The following RALGPS2 variants were observed in gnomAD, a reference collection of about 807,000 sequenced individuals.
The protein encoded by RALGPS2 is ras-specific guanine nucleotide-releasing factor RalGPS2.
RALGPS2 carries 43 observed loss-of-function variants against 86.8 expected under a neutral mutation model. The observed-to-expected ratio is 0.50, with a 90% CI of 0.39 to 0.64. The LOEUF (loss-of-function observed/expected upper bound fraction) is 0.64. Among genes scored for constraint, RALGPS2 ranks in the 30% least tolerant of loss-of-function variants. The pLI is 0.00. For missense variants in RALGPS2, 536 were observed against 694.6 expected (o/e 0.77, Z 2.57); for synonymous variants, 243 against 231.3 (o/e 1.05, Z -0.46).
At chr1:178,906,125 C>G (rs1162902458) in intron 18 of RALGPS2, among the ~76,000 whole-genome samples, 1 of 152,132 alleles carries the variant, frequency 6.6e-6, no homozygotes, top group Non-Finnish European at 1.5e-5. Context: ...GCAATCCCAG[C>G]ACTTTGGGAA....
At chr1:178,851,344 G>A (rs746318931) in intron 8 of RALGPS2, 2 of 1,582,416 alleles carry the variant, frequency 1.3e-6, no homozygotes, top group African/African-American at 2.7e-5. Flanking sequence ...AGATATAAAT[G>A]TAAAAGTTTC....
At chr1:178,855,815 T>G (rs1657495716) in intron 8 of RALGPS2, among the ~76,000 whole-genome samples, 1 of 151,636 alleles carries the variant, frequency 6.6e-6, no homozygotes, top group Admixed American at 6.6e-5. Context: ...AAATCTTTTC[T>G]TTTTTAATTT....
At chr1:178,837,781 A>T (rs1016773960) in intron 8 of RALGPS2, among the ~76,000 whole-genome samples, 1 of 152,122 alleles carries the variant, frequency 6.6e-6, no homozygotes, top group Non-Finnish European at 1.5e-5. Flanking sequence ...TTCCTAACCA[A>T]GGGAAGGTGT....
intron 1 of RALGPS2, among the ~76,000 whole-genome samples, chr1:178,750,674 TCG>T (rs1651601182): frequency 6.6e-6 from 1 of 152,238 alleles, no homozygotes; most frequent in Admixed American, 6.5e-5. Flanking sequence ...TTTTTGATGT[TCG>T]TATTTATAAT....
At chr1:178,916,062 G>T (rs887870787) in intron 19 of RALGPS2, among the ~76,000 whole-genome samples, 1 of 152,114 alleles carries the variant, frequency 6.6e-6, no homozygotes, top group Non-Finnish European at 1.5e-5. Flanking sequence ...TGAGCCCCCT[G>T]TGTTAGACAA....
chr1:178,776,105 C>T (rs1653070235), intron 1 of RALGPS2, among the ~76,000 whole-genome samples: 2 of 152,140 alleles, frequency 1.3e-5, no homozygotes, highest in South Asian at 2.1e-4. Flanking sequence ...TATGCAAATA[C>T]TGCACCATTA....
At chr1:178,765,703 T>G (rs959818918) in intron 1 of RALGPS2, among the ~76,000 whole-genome samples, 1 of 152,196 alleles carries the variant, frequency 6.6e-6, no homozygotes, top group African/African-American at 2.4e-5. Context: ...ATTTCGTCCC[T>G]TATCTACAAC....
chr1:178,916,267 G>T, intron 19 of RALGPS2, 63 bp from the exon 20 acceptor site: 1 of 1,348,412 alleles, frequency 7.4e-7, no homozygotes, highest in South Asian at 1.2e-5. Context: ...AACAAGGAAA[G>T]ATAAGAAATA....
chr1:178,887,209 T>C, intron 13 of RALGPS2, among the ~76,000 whole-genome samples: 1 of 152,208 alleles, frequency 6.6e-6, no homozygotes, highest in East Asian at 1.9e-4. Flanking sequence ...TCCCAGCACT[T>C]TGGGAGGCCC....
At chr1:178,905,742 T>C (rs1330203570) in intron 18 of RALGPS2, among the ~76,000 whole-genome samples, 1 of 152,222 alleles carries the variant, frequency 6.6e-6, no homozygotes, top group Non-Finnish European at 1.5e-5. Flanking sequence ...TCCTTTCTTT[T>C]CTCAATTTGT....
At chr1:178,823,386 A>C (rs1301885057) in intron 7 of RALGPS2, among the ~76,000 whole-genome samples, 2 of 152,244 alleles carry the variant, frequency 1.3e-5, no homozygotes, top group African/African-American at 4.8e-5. Flanking sequence ...TCATACAGCT[A>C]ACATTCTGCT....
chr1:178,751,013 C>T (rs1263158942), intron 1 of RALGPS2, among the ~76,000 whole-genome samples: 3 of 152,084 alleles, frequency 2.0e-5, no homozygotes, highest in Non-Finnish European at 2.9e-5. Context: ...ATTCATGTCT[C>T]TTAGTTAGGA....
At chr1:178,824,931 T>C (rs759026334) in intron 7 of RALGPS2, among the ~76,000 whole-genome samples, 1 of 152,202 alleles carries the variant, frequency 6.6e-6, no homozygotes, top group Admixed American at 6.5e-5. Context: ...AAGTTCTGAT[T>C]GTTTTGTTTC....
chr1:178,886,421 C>T (rs545790122), intron 13 of RALGPS2, among the ~76,000 whole-genome samples: 2 of 152,148 alleles, frequency 1.3e-5, no homozygotes, highest in East Asian at 1.9e-4. Flanking sequence ...GAATGACTTC[C>T]GGTTATTTGG....
At chr1:178,836,884 T>G (rs982488411) in intron 8 of RALGPS2, among the ~76,000 whole-genome samples, 1 of 152,158 alleles carries the variant, frequency 6.6e-6, no homozygotes, top group Non-Finnish European at 1.5e-5. Flanking sequence ...ACTCAAGCGA[T>G]CCTCCCACCT....
intron 6 of RALGPS2, among the ~76,000 whole-genome samples, chr1:178,818,722 C>G (rs1161596613): frequency 6.6e-6 from 1 of 152,200 alleles, no homozygotes; most frequent in Non-Finnish European, 1.5e-5. Flanking sequence ...CCTGTCGGAG[C>G]CTTCATCTTT....
chr1:178,772,514 A>T (rs545430597), intron 1 of RALGPS2, among the ~76,000 whole-genome samples: 2 of 152,338 alleles, frequency 1.3e-5, no homozygotes, highest in East Asian at 3.9e-4. Flanking sequence ...CTTTCTGTAC[A>T]GGAGATAAAG....
In RALGPS2 at chr1:178,917,332, G is replaced by T. The variant is rs1053760401; in HGVS notation, c.*973G>T. On this transcript the variant is annotated 3_prime_UTR_variant, in exon 20 of 20. Transcript: ENST00000367635. ...TATCATCAAGACAGACTGATATTTTGTCAGGATATTTTCTTTTACAGTGTT... is the reference window on the plus strand; with the variant it reads ...TATCATCAAGACAGACTGATATTTTTTCAGGATATTTTCTTTTACAGTGTT... 5.9e-5 allele frequency: 9 copies of T among 152,036 alleles called. No individual in the cohort carries two copies. The highest frequency in any genetic ancestry group is 2.2e-4 in the African/African-American group (9 of 41,388). The allele number at this position is 152,036 out of a possible 1,614,324, so 9.4% of individuals were successfully genotyped here.
intron 7 of RALGPS2, among the ~76,000 whole-genome samples, chr1:178,823,437 C>CAAT (rs1171242521): frequency 6.7e-6 from 1 of 150,110 alleles, no homozygotes; most frequent in Admixed American, 6.6e-5. Flanking sequence ...ACATAAATAG[C>CAAT]AATAAATGCT....
Sources: allele counts gnomAD v4.1 joint callset (sites outside exome capture counted in the v4.1 genomes callset), GRCh38; gene constraint gnomAD v4.1.1; transcripts MANE v1.5; gene names NCBI Gene and HGNC (gene_info 2026-07-23, HGNC 2026-07-21).